Variants in MAGI2 observed in about 807,000 individuals in gnomAD.
MAGI2 encodes the protein membrane associated guanylate kinase, WW and PDZ domain containing 2, also known as membrane-associated guanylate kinase, WW and PDZ domain-containing protein 2.
Under a neutral mutation model 133.3 loss-of-function variants are expected in MAGI2, and 35 were observed. That is an observed-to-expected ratio of 0.26 (90% CI 0.20 to 0.35). The LOEUF (loss-of-function observed/expected upper bound fraction) is 0.35. Ranked by LOEUF, MAGI2 falls within the 10% of genes least tolerant of loss-of-function variation. MAGI2 has a pLI of 1.00. For synonymous variants in MAGI2, 729 were observed against 710.6 expected (o/e 1.03, Z -0.41); for missense variants, 1,636 against 1,863.4 (o/e 0.88, Z 2.25).
chr7:78,289,975 C>G (rs1425460015), intron 9 of MAGI2, among the ~76,000 whole-genome samples: 1 of 152,114 alleles, frequency 6.6e-6, no homozygotes, highest in Non-Finnish European at 1.5e-5. Flanking sequence ...TGGAAAGGAA[C>G]AACCGGTACC....
chr7:78,681,552 A>G (rs1815661055), intron 2 of MAGI2, among the ~76,000 whole-genome samples: 1 of 152,116 alleles, frequency 6.6e-6, no homozygotes, highest in African/African-American at 2.4e-5. Flanking sequence ...AACCAATAGA[A>G]CCAAATCTAC....
chr7:78,271,592 T>A (rs932879279), intron 9 of MAGI2, among the ~76,000 whole-genome samples: 3 of 152,220 alleles, frequency 2.0e-5, no homozygotes, highest in African/African-American at 7.2e-5. Flanking sequence ...CCTGGACTTT[T>A]TTTGGTTGGT....
At chr7:78,704,247 A>G (rs1347120587) in intron 2 of MAGI2, among the ~76,000 whole-genome samples, 3 of 152,176 alleles carry the variant, frequency 2.0e-5, no homozygotes, top group Admixed American at 1.3e-4. Context: ...CCCATTAAAA[A>G]GTGAGCAAAA....
chr7:79,335,440 G>A (rs1028396578), intron 1 of MAGI2, among the ~76,000 whole-genome samples: 2 of 152,060 alleles, frequency 1.3e-5, no homozygotes, highest in East Asian at 3.9e-4. Context: ...AAAATGTACA[G>A]TATAAATATT....
At position 78,489,750 on chromosome 7, in the gene MAGI2, T is replaced by A. The variant is rs753339271; in HGVS notation, c.1045+11A>T. On this transcript the variant is annotated intron_variant, in intron 6 of 21. Transcript: ENST00000354212. ...ACATTGCTGAAACACCATAAAAACTTAATAACCTACCATTTTCTTTGCACT... is the reference window on the plus strand; with the variant it reads ...ACATTGCTGAAACACCATAAAAACTAAATAACCTACCATTTTCTTTGCACT... The A allele has an allele frequency of 1.9e-6, 3 of 1,603,302 alleles. No homozygotes were observed. Among genetic ancestry groups the A allele is most frequent in the African/African-American group, 2.7e-5 (2 of 74,480 alleles).
intron 2 of MAGI2, among the ~76,000 whole-genome samples, chr7:78,984,515 C>T (rs892637058): frequency 4.6e-5 from 7 of 151,962 alleles, no homozygotes; most frequent in Non-Finnish European, 7.4e-5. Flanking sequence ...ATTGTTTACA[C>T]CCACTACGCC....
intron 21 of MAGI2, among the ~76,000 whole-genome samples, chr7:78,070,506 A>ATATG (rs1320646103): frequency 6.8e-6 from 1 of 146,178 alleles, no homozygotes; most frequent in Non-Finnish European, 1.5e-5. Flanking sequence ...GTGTGTGTAT[A>ATATG]TATATGTGTG....
intron 16 of MAGI2, among the ~76,000 whole-genome samples, chr7:78,136,511 G>C (rs989532135): frequency 6.6e-6 from 1 of 152,198 alleles, no homozygotes; most frequent in Non-Finnish European, 1.5e-5. Context: ...CAGTGTAAAT[G>C]TTTAAGTACC....
intron 2 of MAGI2, among the ~76,000 whole-genome samples, chr7:78,838,474 C>A (rs1293168660): frequency 2.0e-5 from 3 of 149,738 alleles, no homozygotes; most frequent in Non-Finnish European, 4.4e-5. Context: ...AATAGTATAC[C>A]TAAAAATTAA....
At chr7:78,684,994 G>T (rs555830106) in intron 2 of MAGI2, among the ~76,000 whole-genome samples, 6 of 152,228 alleles carry the variant, frequency 3.9e-5, no homozygotes, top group Non-Finnish European at 8.8e-5. Context: ...AAATTAACAG[G>T]CTTCTCATAC....
chr7:79,319,030 T>C (rs578160946), intron 1 of MAGI2, among the ~76,000 whole-genome samples: 18 of 152,200 alleles, frequency 1.2e-4, no homozygotes, highest in Non-Finnish European at 2.4e-4. Context: ...ATTTACTATA[T>C]GAAAGGGTTC....
chr7:78,345,794 T>C, intron 8 of MAGI2, 128 bp downstream of exon 8: 1 of 1,320,612 alleles, frequency 7.6e-7, no homozygotes, highest in South Asian at 1.4e-5. Context: ...CAGCTAAAGC[T>C]AATAGGAAGG....
intron 6 of MAGI2, among the ~76,000 whole-genome samples, chr7:78,483,203 T>C (rs1792606788): frequency 6.6e-6 from 1 of 151,934 alleles, no homozygotes; most frequent in African/African-American, 2.4e-5. Context: ...AAATTTAAAA[T>C]GTTTTTAAAA....
intron 2 of MAGI2, among the ~76,000 whole-genome samples, chr7:78,714,996 T>C (rs1819565318): frequency 1.3e-5 from 2 of 152,190 alleles, no homozygotes; most frequent in Admixed American, 1.3e-4. Flanking sequence ...TCCCTAATAA[T>C]AGTTCATGAT....
chr7:79,394,665 GC>G (rs1206622983), intron 1 of MAGI2, among the ~76,000 whole-genome samples: 3 of 152,162 alleles, frequency 2.0e-5, no homozygotes, highest in Non-Finnish European at 4.4e-5. Context: ...CTAAGGCTGT[GC>G]CATGCTTCTT....
At chr7:78,803,224 A>G (rs1021092503) in intron 2 of MAGI2, among the ~76,000 whole-genome samples, 66 of 152,292 alleles carry the variant, frequency 4.3e-4, no homozygotes, top group African/African-American at 1.3e-3. Context: ...GGAATTCTAC[A>G]TATGTTCTAC....
At chr7:78,473,163 C>G (rs1334205514) in intron 6 of MAGI2, among the ~76,000 whole-genome samples, 1 of 152,118 alleles carries the variant, frequency 6.6e-6, no homozygotes, top group Non-Finnish European at 1.5e-5. Context: ...AACTGAGCCA[C>G]AAGATCACAG....
intron 1 of MAGI2, among the ~76,000 whole-genome samples, chr7:79,442,303 G>C (rs1391440486): frequency 6.6e-6 from 1 of 152,184 alleles, no homozygotes; most frequent in African/African-American, 2.4e-5. Flanking sequence ...ATTGATGGGT[G>C]ACTATGCAAG....
chr7:78,620,391 G>A (rs994334644), intron 3 of MAGI2, among the ~76,000 whole-genome samples: 3 of 151,990 alleles, frequency 2.0e-5, no homozygotes, highest in Non-Finnish European at 4.4e-5. Context: ...ATAGATTTGT[G>A]TAGAATTTGT....
Sources: allele counts gnomAD v4.1 joint callset (sites outside exome capture counted in the v4.1 genomes callset), GRCh38; gene constraint gnomAD v4.1.1; transcripts MANE v1.5; gene names NCBI Gene and HGNC (gene_info 2026-07-23, HGNC 2026-07-21).